TMEM163: variants seen among roughly 807,000 people sequenced by gnomAD.
TMEM163 encodes the protein transmembrane protein 163.
A neutral mutation model predicts 29.3 loss-of-function variants in TMEM163; 17 were observed. The observed-to-expected ratio is 0.58, with a 90% CI of 0.40 to 0.87. TMEM163 has a LOEUF of 0.87. Among genes scored for constraint, TMEM163 ranks in the 40% least tolerant of loss-of-function variants. The pLI, the probability that TMEM163 is intolerant of heterozygous loss-of-function variation, is 0.00. For missense variants in TMEM163, 303 were observed against 381.5 expected, an observed-to-expected ratio of 0.79 and a Z score of 1.71; for synonymous variants, 157 against 160.6, an observed-to-expected ratio of 0.98 and a Z score of 0.17.
intron 2 of TMEM163, among the ~76,000 whole-genome samples, chr2:134,654,325 C>A (rs1683549401): frequency 1.0e-5 from 1 of 95,780 alleles, no homozygotes; most frequent in Admixed American, 1.1e-4. Flanking sequence ...CTCTTTTGAT[C>A]TTTGTTGGTT....
intron 4 of TMEM163, among the ~76,000 whole-genome samples, chr2:134,534,726 C>A (rs1414483853): frequency 6.6e-6 from 1 of 152,084 alleles, no homozygotes; most frequent in East Asian, 1.9e-4. Flanking sequence ...TGCACTCTAA[C>A]CTGGGCGACA....
intron 2 of TMEM163, among the ~76,000 whole-genome samples, chr2:134,574,739 C>T (rs1052048960): frequency 6.6e-6 from 1 of 152,140 alleles, no homozygotes; most frequent in African/African-American, 2.4e-5. Flanking sequence ...TAACAGGATC[C>T]AGCATGCTTT....
At chr2:134,456,848 T>C in intron 7 of TMEM163, 72 bp from the exon 8 acceptor site, 1 of 845,614 alleles carries the variant, frequency 1.2e-6, no homozygotes, top group Non-Finnish European at 1.6e-6. Context: ...CGTATTTTCA[T>C]TTTTTTTTTC....
intron 2 of TMEM163, among the ~76,000 whole-genome samples, chr2:134,598,988 G>A (rs1000753470): frequency 7.6e-6 from 1 of 131,434 alleles, no homozygotes; most frequent in South Asian, 2.7e-4. Context: ...TAAATGCTTT[G>A]AAAGGACTCA....
chr2:134,674,898 G>C (rs560877960), intron 2 of TMEM163, among the ~76,000 whole-genome samples: 1 of 152,262 alleles, frequency 6.6e-6, no homozygotes, highest in East Asian at 1.9e-4. Context: ...TGTAGCCAAA[G>C]CTACTTATCT....
intron 2 of TMEM163, among the ~76,000 whole-genome samples, chr2:134,568,718 A>G (rs1324301751): frequency 6.6e-6 from 1 of 152,040 alleles, no homozygotes; most frequent in Non-Finnish European, 1.5e-5. Context: ...AAAGAAACAA[A>G]CAAAGAAACA....
At chr2:134,496,611 G>T (rs1163750928) in intron 5 of TMEM163, among the ~76,000 whole-genome samples, 2 of 152,194 alleles carry the variant, frequency 1.3e-5, no homozygotes, top group East Asian at 3.9e-4. Context: ...GCAGGGAAAT[G>T]AACAACTGAG....
intron 5 of TMEM163, among the ~76,000 whole-genome samples, chr2:134,491,078 CTAAG>C (rs1679418538): frequency 6.6e-6 from 1 of 152,040 alleles, no homozygotes; most frequent in South Asian, 2.1e-4. Context: ...GAAAGAAGAG[CTAAG>C]TTAGTTTGTT....
Position 134,502,994 on chromosome 2 carries a change from G to A in TMEM163, c.462C>T (p.Ala154=), listed in dbSNP as rs778595982. ...GGAATATCACCCCCAAGATGACACA[G>A]GCTCTGCAAAAAACAAAACATTGAG... The part of the protein sequence containing the change: ...AVHSAHREYI[A]CVILGVIFLL... Residue 154 remains alanine (A), a synonymous_variant, in exon 5 of 8, where the codon GCC becomes GCT. Transcript: ENST00000281924. 1.9e-6 allele frequency: 3 copies of A among 1,612,746 alleles called. No homozygotes were observed. In the Admixed American group the frequency reaches 5.0e-5, roughly 27 times the overall value.
At chr2:134,695,466 CAT>C (rs776832575) in intron 2 of TMEM163, among the ~76,000 whole-genome samples, 1 of 151,560 alleles carries the variant, frequency 6.6e-6, no homozygotes, top group Non-Finnish European at 1.5e-5. Context: ...CCAACATACA[CAT>C]ACATTATAAA....
chr2:134,603,593 C>T (rs1260390229), intron 2 of TMEM163, among the ~76,000 whole-genome samples: 10 of 152,126 alleles, frequency 6.6e-5, no homozygotes, highest in South Asian at 2.1e-4. Context: ...AGCCATATGG[C>T]GGCTCCTCAA....
At chr2:134,648,400 G>GC (rs985160090) in intron 2 of TMEM163, among the ~76,000 whole-genome samples, 1 of 151,016 alleles carries the variant, frequency 6.6e-6, no homozygotes, top group Non-Finnish European at 1.5e-5. Context: ...TGTGGGGCAG[G>GC]CCATGGGTGG....
intron 1 of TMEM163, among the ~76,000 whole-genome samples, chr2:134,715,060 T>C (rs1685008391): frequency 6.6e-6 from 1 of 152,238 alleles, no homozygotes; most frequent in African/African-American, 2.4e-5. Context: ...AACATTTAAG[T>C]ACTGGCTCAA....
At position 134,550,678 on chromosome 2, in the gene TMEM163, T is replaced by A. The variant is rs750376781; in HGVS notation, c.367-17A>T. 1.7e-4 allele frequency: 281 copies of A among 1,612,842 alleles called. No individual in the cohort carries two copies. Among genetic ancestry groups the A allele is most frequent in the Non-Finnish European group, 2.3e-4 (272 of 1,178,958 alleles). ...GGCATCAAACTAGGAGAAGGAGACATGGCATTAGAGGCTTTCCACAGTTAA... is the reference window on the plus strand; with the variant it reads ...GGCATCAAACTAGGAGAAGGAGACAAGGCATTAGAGGCTTTCCACAGTTAA... On this transcript the variant is annotated splice_polypyrimidine_tract_variant and intron_variant, in intron 3 of 7. Transcript: ENST00000281924.
In TMEM163 at chr2:134,497,928, G is replaced by T. The variant is rs186549766; in HGVS notation, c.555+4973C>A. ...AGCCACAACTGGACATGTTGAGATG[G>T]TGCTCAGGAGCTGAGTCTGAAATCA... On this transcript the variant is annotated intron_variant, in intron 5 of 7. Transcript: ENST00000281924. 5.3e-5 allele frequency among the ~76,000 whole-genome samples: 8 copies of T among 152,330 alleles called. 1 individual carries two copies. The highest frequency in any genetic ancestry group is 1.9e-4 in the African/African-American group (8 of 41,576).
chr2:134,640,011 G>C (rs1339775858), intron 2 of TMEM163, among the ~76,000 whole-genome samples: 1 of 152,126 alleles, frequency 6.6e-6, no homozygotes, highest in African/African-American at 2.4e-5. Context: ...CCAGAGTATA[G>C]TTTATCTAAG....
At chr2:134,661,262 G>A (rs1558982689) in intron 2 of TMEM163, among the ~76,000 whole-genome samples, 1 of 152,116 alleles carries the variant, frequency 6.6e-6, no homozygotes. Context: ...CCAGATGCTG[G>A]TGCCTTGATC....
At chr2:134,596,993 T>C (rs1682101020) in intron 2 of TMEM163, among the ~76,000 whole-genome samples, 1 of 152,226 alleles carries the variant, frequency 6.6e-6, no homozygotes, top group African/African-American at 2.4e-5. Flanking sequence ...AAGTTGCTTA[T>C]CAGCTTAAGG....
chr2:134,674,586 C>G (rs1684071762), intron 2 of TMEM163, among the ~76,000 whole-genome samples: 4 of 151,764 alleles, frequency 2.6e-5, no homozygotes, highest in African/African-American at 7.3e-5. Flanking sequence ...TCTCAATCTC[C>G]TGACTTCGTG....
Sources: gnomAD v4.1 joint callset for allele counts (sites outside exome capture counted in the v4.1 genomes callset) on GRCh38, gnomAD v4.1.1 for gene constraint, MANE v1.5 for transcripts, NCBI Gene and HGNC (gene_info 2026-07-23, HGNC 2026-07-21) for gene names.